Variants in GPM6A observed in about 807,000 individuals in gnomAD.
The protein encoded by GPM6A is glycoprotein M6A, also known as neuronal membrane glycoprotein M6-a.
GPM6A carries 7 observed loss-of-function variants against 32.1 expected under a neutral mutation model. That is an observed-to-expected ratio of 0.22 (90% CI 0.12 to 0.41). The LOEUF (loss-of-function observed/expected upper bound fraction) is 0.41, where lower values mean the gene tolerates loss of function less well. GPM6A is among the 10% of genes least tolerant of loss of function. The probability of loss-of-function intolerance (pLI) is 1.00; values close to 1 mark genes in which losing one functional copy is unlikely to be tolerated. For missense variants in GPM6A, 235 were observed against 347.2 expected (o/e 0.68, Z 2.57); for synonymous variants, 130 against 123.4 (o/e 1.05, Z -0.35).
At chr4:175,693,463 T>C (rs1186808873) in intron 2 of GPM6A, among the ~76,000 whole-genome samples, 1 of 152,044 alleles carries the variant, frequency 6.6e-6, no homozygotes, top group Non-Finnish European at 1.5e-5. Flanking sequence ...TTAACAAGAC[T>C]AAGTGAATTA....
rs565111231 is a variant in GPM6A, at chr4:175,645,507, G to A, written c.542-4678C>T. On this transcript the variant is annotated intron_variant, in intron 4 of 6. Transcript: ENST00000393658. The stretch of plus-strand genomic sequence containing the variant: ...AGGCCAAGGCAGGTGGATCATTTGA[G>A]GTCAGGAGTTCGAGACCAGCCTGGC... Among the ~76,000 whole-genome samples, 3 of 151,868 alleles carry A rather than the reference G, an allele frequency of 2.0e-5. No individual in the cohort carries two copies. In the South Asian group the frequency reaches 6.2e-4, roughly 32 times the overall value.
chr4:175,642,877 T>TC (rs1741227937), intron 4 of GPM6A, among the ~76,000 whole-genome samples: 1 of 152,198 alleles, frequency 6.6e-6, no homozygotes, highest in Non-Finnish European at 1.5e-5. Flanking sequence ...TATTTGGATT[T>TC]CTAATAAGCA....
intron 1 of GPM6A, among the ~76,000 whole-genome samples, chr4:175,965,545 G>C (rs1740306593): frequency 6.6e-6 from 1 of 151,062 alleles, no homozygotes; most frequent in Non-Finnish European, 1.5e-5. Context: ...CCTCTAGTTA[G>C]GTTAACTAAG....
intron 1 of GPM6A, among the ~76,000 whole-genome samples, chr4:175,904,321 T>A (rs1579613530): frequency 6.6e-6 from 1 of 152,184 alleles, no homozygotes; most frequent in East Asian, 1.9e-4. Context: ...ATTTAAAATA[T>A]CTGCTTTCAG....
At position 175,775,869 on chromosome 4, in the gene GPM6A, T is replaced by A. The variant is rs368570476; in HGVS notation, c.37+36322A>T. 5.3e-4 allele frequency among the ~76,000 whole-genome samples: 81 copies of A among 152,236 alleles called. 1 individual carries two copies. Among genetic ancestry groups the A allele is most frequent in the African/African-American group, 1.9e-3 (79 of 41,554 alleles). On this transcript the variant is annotated intron_variant, in intron 1 of 6. Coordinates refer to ENST00000393658, the MANE Select transcript of GPM6A (RefSeq NM_201591.3). ...CATGCTGCGGAAATCCAAGTTATAA[T>A]CTATAAATCAGCCCAATGGAATGAA...
Position 175,901,094 on chromosome 4 carries a change from T to C in GPM6A, c.-22-88845A>G, listed in dbSNP as rs554083723. 6.7e-4 allele frequency among the ~76,000 whole-genome samples: 96 copies of C among 144,208 alleles called. 1 individual carries two copies. The highest frequency in any genetic ancestry group is 4.8e-4 in the Non-Finnish European group (32 of 66,880). The allele number at this position is 144,208 out of a possible 152,430, so 94.6% of individuals were successfully genotyped here. On this transcript the variant is annotated intron_variant, in intron 1 of 7. Coordinates refer to the GPM6A transcript ENST00000280187. Reference sequence around the variant, plus strand: ...ATCAAAACAATTGAACTCATGGACATAGAGAGTGGAGAATGGTTACCAGAG... The same window carrying C: ...ATCAAAACAATTGAACTCATGGACACAGAGAGTGGAGAATGGTTACCAGAG...
intron 1 of GPM6A, among the ~76,000 whole-genome samples, chr4:175,909,673 C>G (rs554530897): frequency 2.7e-4 from 41 of 151,972 alleles, no homozygotes; most frequent in Non-Finnish European, 3.8e-4. Flanking sequence ...AGAGCAATAA[C>G]GAGAATTCAA....
chr4:175,715,219 ATGTG>A (rs1460428723), intron 1 of GPM6A, among the ~76,000 whole-genome samples: 1 of 152,100 alleles, frequency 6.6e-6, no homozygotes, highest in Non-Finnish European at 1.5e-5. Context: ...CATTTCTTTC[ATGTG>A]TGTGTTTGCC....
At position 175,634,076 on chromosome 4, in the gene GPM6A, CAA is replaced by C. The variant is rs1187680732; in HGVS notation, c.*827_*828del. 1.3e-5 allele frequency: 2 copies of C among 152,580 alleles called. No individual in the cohort carries two copies. The highest frequency in any genetic ancestry group is 2.1e-4 in the South Asian group (1 of 4,812). The allele number at this position is 152,580 out of a possible 1,614,324, so 9.5% of individuals were successfully genotyped here. A position where few individuals can be genotyped will look rare whatever the true frequency, so the allele number is the denominator to read the frequency against. On this transcript the variant is annotated 3_prime_UTR_variant, in exon 7 of 7. Coordinates refer to ENST00000393658, the MANE Select transcript of GPM6A (RefSeq NM_201591.3). ...TCCAATCCAGCCACTTCTTAAATCACAAAGAGATCATTCTTCAATAGTCTACA... is the reference window on the plus strand; with the variant it reads ...TCCAATCCAGCCACTTCTTAAATCACAGAGATCATTCTTCAATAGTCTACA...
chr4:176,000,649 G>A lies in GPM6A; in HGVS notation c.-23+1660C>T, dbSNP rs961690430. Among the ~76,000 whole-genome samples the A allele has an allele frequency of 2.6e-5, 4 of 152,240 alleles. 1 individual carries two copies. On this transcript the variant is annotated intron_variant, in intron 1 of 7. Coordinates refer to the GPM6A transcript ENST00000280187. ...ATGCTTTTAATACAGCTAATGAATA[G>A]ACTACATCAAGTCAATTATTTTGAC...
intron 4 of GPM6A, among the ~76,000 whole-genome samples, chr4:175,644,873 G>A (rs1741366037): frequency 6.6e-6 from 1 of 151,574 alleles, no homozygotes; most frequent in Admixed American, 6.6e-5. Context: ...TTAGGAGGAT[G>A]AGGCAGGCGG....
chr4:175,811,878 C>T (rs1047288336), intron 1 of GPM6A: 2 of 209,728 alleles, frequency 9.5e-6, no homozygotes, highest in Non-Finnish European at 9.4e-6. Context: ...TGACCCAGCT[C>T]GGCAAGTGTG....
chr4:175,658,115 T>A (rs529109836), intron 3 of GPM6A, among the ~76,000 whole-genome samples: 1 of 152,190 alleles, frequency 6.6e-6, no homozygotes, highest in Non-Finnish European at 1.5e-5. Flanking sequence ...AGTGATTTGT[T>A]ACGCTTATAA....
intron 3 of GPM6A, among the ~76,000 whole-genome samples, chr4:175,664,652 AT>A (rs1297057384): frequency 1.3e-5 from 2 of 152,118 alleles, no homozygotes; most frequent in Non-Finnish European, 2.9e-5. Context: ...CTCCATCCTG[AT>A]CTAGCACACG....
chr4:175,816,965 T>C (rs1190138370), upstream of GPM6A, among the ~76,000 whole-genome samples: 3 of 152,094 alleles, frequency 2.0e-5, no homozygotes, highest in East Asian at 5.8e-4. Flanking sequence ...GTTCACGCCA[T>C]TCTCCTGCCT....
intron 6 of GPM6A, among the ~76,000 whole-genome samples, chr4:175,638,826 T>C (rs1030392329): frequency 6.6e-5 from 10 of 152,268 alleles, no homozygotes; most frequent in African/African-American, 2.4e-4. Flanking sequence ...TACATATGTT[T>C]CCTCTGATAT....
At chr4:175,991,323 G>A (rs548718366) in intron 1 of GPM6A, among the ~76,000 whole-genome samples, 8 of 149,378 alleles carry the variant, frequency 5.4e-5, no homozygotes, top group African/African-American at 1.2e-4. Context: ...TGATCCACCC[G>A]CCTCGGCCTC....
intron 1 of GPM6A, among the ~76,000 whole-genome samples, chr4:175,895,598 T>C (rs1396882281): frequency 1.3e-5 from 2 of 152,180 alleles, no homozygotes; most frequent in African/African-American, 2.4e-5. Flanking sequence ...GATGACATGT[T>C]ATGAACAAGT....
chr4:175,738,404 G>A (rs942498256), intron 1 of GPM6A, among the ~76,000 whole-genome samples: 1 of 152,028 alleles, frequency 6.6e-6, no homozygotes, highest in African/African-American at 2.4e-5. Context: ...CTTATGGTCA[G>A]TACTACCATT....
Sources: allele counts gnomAD v4.1 joint callset (sites outside exome capture counted in the v4.1 genomes callset), GRCh38; gene constraint gnomAD v4.1.1; transcripts MANE v1.5; gene names NCBI Gene and HGNC (gene_info 2026-07-23, HGNC 2026-07-21).